The following BNC2 variants were observed in gnomAD, a reference collection of about 807,000 sequenced individuals.
BNC2 encodes the protein zinc finger protein basonuclin-2.
A neutral mutation model predicts 76.3 loss-of-function variants in BNC2; 20 were observed. That is an observed-to-expected ratio of 0.26 (90% CI 0.18 to 0.38). BNC2 has a LOEUF of 0.38. Ranked by LOEUF, BNC2 falls within the 10% of genes least tolerant of loss-of-function variation. The probability of loss-of-function intolerance (pLI) is 1.00; values close to 1 mark genes in which losing one functional copy is unlikely to be tolerated. For missense variants in BNC2, 1,382 were observed against 1,399.8 expected (o/e 0.99, Z 0.20); for synonymous variants, 582 against 514.8 (o/e 1.13, Z -1.77).
At chr9:16,645,808 C>T (rs568084838) in intron 3 of BNC2, among the ~76,000 whole-genome samples, 1 of 152,126 alleles carries the variant, frequency 6.6e-6, no homozygotes, top group Admixed American at 6.5e-5. Context: ...AACCTAATCA[C>T]CCAGCACTTC....
At chr9:16,763,236 A>G (rs575488964) in intron 1 of BNC2, among the ~76,000 whole-genome samples, 1 of 152,240 alleles carries the variant, frequency 6.6e-6, no homozygotes, top group East Asian at 1.9e-4. Context: ...GTTCCCCTCC[A>G]TTTTTGTGGT....
chr9:16,600,274 A>G (rs1440164897), intron 3 of BNC2, among the ~76,000 whole-genome samples: 1 of 152,194 alleles, frequency 6.6e-6, no homozygotes, highest in African/African-American at 2.4e-5. Flanking sequence ...TTTTCACTGA[A>G]ACATTATCTG....
At chr9:16,713,760 T>C (rs887945331) in intron 3 of BNC2, among the ~76,000 whole-genome samples, 1 of 152,114 alleles carries the variant, frequency 6.6e-6, no homozygotes, top group Non-Finnish European at 1.5e-5. Flanking sequence ...ACCTAGTTAG[T>C]GCAGCTAAAA....
rs144360383 is a variant in BNC2, at chr9:16,538,304, A to T, written c.669+14226T>A. On this transcript the variant is annotated intron_variant, in intron 5 of 6. Coordinates refer to ENST00000380672, the MANE Select transcript of BNC2 (RefSeq NM_017637.6). Reference sequence around the variant, plus strand: ...TATCAGATGAACTAAAATTCTATGTACTGAGTGAAGGAAACTAACAAAGGG... The same window carrying T: ...TATCAGATGAACTAAAATTCTATGTTCTGAGTGAAGGAAACTAACAAAGGG... Among the ~76,000 whole-genome samples, 480 of 152,330 alleles carry T rather than the reference A, an allele frequency of 3.2e-3. 1 individual carries two copies. The highest frequency in any genetic ancestry group is 0.011 in the African/African-American group (456 of 41,576).
intron 3 of BNC2, among the ~76,000 whole-genome samples, chr9:16,598,199 C>T (rs2133261078): frequency 6.6e-6 from 1 of 152,224 alleles, no homozygotes; most frequent in South Asian, 2.1e-4. Context: ...TGCTAAGAAG[C>T]TATCAATATA....
chr9:16,697,188 G>A (rs1209098466), intron 3 of BNC2, among the ~76,000 whole-genome samples: 1 of 151,532 alleles, frequency 6.6e-6, no homozygotes, highest in Non-Finnish European at 1.5e-5. Flanking sequence ...GTGAAACCCT[G>A]TCTCTACTAC....
At position 16,418,844 on chromosome 9, in the gene BNC2, G is replaced by C. The variant is rs559465354; in HGVS notation, c.*145C>G. On this transcript the variant is annotated 3_prime_UTR_variant, in exon 7 of 7. Transcript: ENST00000380672. The stretch of plus-strand genomic sequence containing the variant: ...GTTTATCTCAAGGAAATACGTGTGT[G>C]TATATGTAGCCACAGAGCATACATA... 122 of 880,152 alleles carry C rather than the reference G, an allele frequency of 1.4e-4. No homozygotes were observed. Among genetic ancestry groups the C allele is most frequent in the Non-Finnish European group, 2.2e-4 (120 of 552,700 alleles). The allele number at this position is 880,152 out of a possible 1,614,324, so 54.5% of individuals were successfully genotyped here.
At chr9:16,575,297 G>A (rs1432667006) in intron 4 of BNC2, 60 of 985,262 alleles carry the variant, frequency 6.1e-5, no homozygotes, top group Non-Finnish European at 7.0e-5. Flanking sequence ...AGCTCTGTGT[G>A]TTTCATTCTC....
intron 3 of BNC2, among the ~76,000 whole-genome samples, chr9:16,659,254 G>A (rs139889411): frequency 0.035 from 5,343 of 152,196 alleles, 182 homozygotes; most frequent in African/African-American, 0.088. Context: ...AGGGCTCTCC[G>A]TTTCATCGTG....
At chr9:16,692,876 T>C (rs1216751938) in intron 3 of BNC2, among the ~76,000 whole-genome samples, 1 of 151,988 alleles carries the variant, frequency 6.6e-6, no homozygotes, top group African/African-American at 2.4e-5. Flanking sequence ...ATGCCTGTAA[T>C]TCCAGCACTT....
chr9:16,440,243 C>A (rs913073693), intron 5 of BNC2, among the ~76,000 whole-genome samples: 1 of 152,172 alleles, frequency 6.6e-6, no homozygotes, highest in African/African-American at 2.4e-5. Context: ...CACAAAAATT[C>A]TGACTCTAAG....
intron 1 of BNC2, among the ~76,000 whole-genome samples, chr9:16,795,670 G>C (rs1817628334): frequency 6.6e-6 from 1 of 152,020 alleles, no homozygotes; most frequent in Non-Finnish European, 1.5e-5. Flanking sequence ...GGTTTGCTTG[G>C]TTTTCTTATC....
chr9:16,688,945 G>A (rs1823061646), intron 3 of BNC2, among the ~76,000 whole-genome samples: 1 of 152,054 alleles, frequency 6.6e-6, no homozygotes, highest in Admixed American at 6.6e-5. Flanking sequence ...CTTACTTTGT[G>A]TATAATCAGC....
intron 1 of BNC2, among the ~76,000 whole-genome samples, chr9:16,784,865 G>T (rs1224043961): frequency 6.6e-6 from 1 of 152,196 alleles, no homozygotes; most frequent in African/African-American, 2.4e-5. Context: ...GGAGAGGACT[G>T]TTCCAGAAGG....
intron 5 of BNC2, among the ~76,000 whole-genome samples, chr9:16,470,844 G>T (rs1821807197): frequency 6.6e-6 from 1 of 152,250 alleles, no homozygotes; most frequent in Non-Finnish European, 1.5e-5. Context: ...TGCTGCAGCA[G>T]TGCAAAAGGG....
intron 1 of BNC2, among the ~76,000 whole-genome samples, chr9:16,809,611 G>A (rs925712526): frequency 4.6e-5 from 7 of 152,016 alleles, no homozygotes; most frequent in African/African-American, 1.4e-4. Context: ...GACCGAATGC[G>A]TTGTAATGTA....
intron 3 of BNC2, among the ~76,000 whole-genome samples, chr9:16,626,976 C>T (rs368216081): frequency 2.0e-5 from 3 of 152,176 alleles, no homozygotes; most frequent in Non-Finnish European, 4.4e-5. Context: ...TCGGTAACTT[C>T]CCAGTGACAG....
chr9:16,502,381 A>C (rs1057188707), intron 5 of BNC2, among the ~76,000 whole-genome samples: 2 of 152,142 alleles, frequency 1.3e-5, no homozygotes, highest in Non-Finnish European at 2.9e-5. Context: ...AAAGTTTTGA[A>C]TATAGGATTG....
chr9:16,744,408 G>A (rs1018515750), intron 1 of BNC2, among the ~76,000 whole-genome samples: 1 of 152,194 alleles, frequency 6.6e-6, no homozygotes, highest in Non-Finnish European at 1.5e-5. Context: ...GAATGCTAAT[G>A]TAAAAATATA....
Sources: gnomAD v4.1 joint callset for allele counts (sites outside exome capture counted in the v4.1 genomes callset) on GRCh38, gnomAD v4.1.1 for gene constraint, MANE v1.5 for transcripts, NCBI Gene and HGNC (gene_info 2026-07-23, HGNC 2026-07-21) for gene names.